The following NOCT variants were observed in gnomAD, a reference collection of about 807,000 sequenced individuals.
The protein encoded by NOCT is CCR4 carbon catabolite repression 4-like.
Under a neutral mutation model 35.0 loss-of-function variants are expected in NOCT, and 18 were observed. The observed-to-expected ratio is 0.51, with a 90% confidence interval of 0.36 to 0.76. NOCT has a LOEUF of 0.76. NOCT is among the 30% of genes least tolerant of loss of function. The pLI is 0.01. For synonymous variants in NOCT, 235 were observed against 226.3 expected, an observed-to-expected ratio of 1.04 and a Z score of -0.34; for missense variants, 479 against 541.0, an observed-to-expected ratio of 0.89 and a Z score of 1.14.
chr4:139,038,205 A>C (rs111981146), intron 1 of NOCT, among the ~76,000 whole-genome samples: 4 of 150,256 alleles, frequency 2.7e-5, no homozygotes, highest in African/African-American at 1.0e-4. Flanking sequence ...TCAAATAAAT[A>C]AATAAATAAA....
intron 2 of NOCT, 50 bp downstream of exon 2, chr4:139,043,393 T>C (rs1340196062): frequency 6.4e-7 from 1 of 1,566,954 alleles, no homozygotes; most frequent in East Asian, 2.3e-5. Context: ...TGTGACTGCC[T>C]TTCTGCTTCT....
chr4:139,040,420 C>G (rs760919330), intron 1 of NOCT, among the ~76,000 whole-genome samples: 2 of 152,102 alleles, frequency 1.3e-5, no homozygotes, highest in African/African-American at 2.4e-5. Context: ...TTCTGGCATG[C>G]TTTCACTGTC....
At chr4:139,023,561 T>C (rs1726453735) in intron 1 of NOCT, among the ~76,000 whole-genome samples, 1 of 152,186 alleles carries the variant, frequency 6.6e-6, no homozygotes, top group African/African-American at 2.4e-5. Context: ...GATGGCGCGA[T>C]GTCAGCTCAC....
intron 1 of NOCT, among the ~76,000 whole-genome samples, 173 bp from the exon 2 acceptor site, chr4:139,042,901 C>A (rs6819911): frequency 6.9e-6 from 1 of 144,914 alleles, no homozygotes. Flanking sequence ...GCAACAAGAG[C>A]GAAACTCCAT....
rs1388033237 is a variant in NOCT at position 139,043,237 on chromosome 4, G to A, written c.354G>A (p.Leu118=). The change falls in exon 2 of 3, where the codon CTG becomes CTA. Residue 118 remains leucine (L), a synonymous_variant. Coordinates refer to ENST00000280614, the MANE Select transcript of NOCT (RefSeq NM_012118.4). The part of the protein sequence containing the change: ...KELLEECRAV[L]HTRPPRFQRD... ...TTCTTGAGGAATGCAGGGCCGTCCT[G>A]CACACCCGACCTCCCCGGTTCCAGA... 6.2e-7 allele frequency: 1 copy of A among 1,614,188 alleles called. No individual in the cohort carries two copies. The highest frequency in any genetic ancestry group is 1.1e-5 in the South Asian group (1 of 91,086).
chr4:139,032,033 A>G (rs952947228), intron 1 of NOCT, among the ~76,000 whole-genome samples: 2 of 152,162 alleles, frequency 1.3e-5, no homozygotes, highest in African/African-American at 4.8e-5. Context: ...GGTTTTTAGG[A>G]AAGTAAAGGT....
chr4:139,031,712 T>G (rs1726627811), intron 1 of NOCT, among the ~76,000 whole-genome samples: 1 of 151,788 alleles, frequency 6.6e-6, no homozygotes, highest in Admixed American at 6.6e-5. Flanking sequence ...CACTTGTGGG[T>G]TTTGTTTTGT....
chr4:139,030,083 G>C (rs1645263083), intron 1 of NOCT, among the ~76,000 whole-genome samples: 1 of 152,046 alleles, frequency 6.6e-6, no homozygotes, highest in Admixed American at 6.6e-5. Flanking sequence ...GTAGAGACAG[G>C]GTTGTTGGCC....
intron 1 of NOCT, among the ~76,000 whole-genome samples, chr4:139,037,363 G>C (rs2148646259): frequency 6.6e-6 from 1 of 152,312 alleles, no homozygotes; most frequent in East Asian, 1.9e-4. Flanking sequence ...TATCACACCT[G>C]ACAAGAATTA....
intron 1 of NOCT, among the ~76,000 whole-genome samples, chr4:139,016,990 TCCA>T (rs1726323858): frequency 1.4e-5 from 1 of 72,018 alleles, no homozygotes. Flanking sequence ...TTTGGAGGCT[TCCA>T]CTCTTTATAG....
In NOCT at chr4:139,045,411, T is replaced by G. The variant is rs1412719181; in HGVS notation, c.1233T>G (p.Pro411=). The change falls in exon 3 of 3, where the codon CCT becomes CCG. Residue 411 remains proline, a synonymous_variant. Transcript: ENST00000280614. ...ACAGGTTACCTTCCTTCAATTATCC[T>G]TCAGACCACCTGTCTCTAGTGTGTG... ...GPNRLPSFNY[P]SDHLSLVCDF... The G allele has an allele frequency of 6.2e-7, 1 of 1,613,776 alleles. No individual in the cohort carries two copies. Among genetic ancestry groups the G allele is most frequent in the Non-Finnish European group, 8.5e-7 (1 of 1,179,842 alleles).
chr4:139,037,953 G>C (rs1333624625), intron 1 of NOCT, among the ~76,000 whole-genome samples: 1 of 150,922 alleles, frequency 6.6e-6, no homozygotes, highest in Non-Finnish European at 1.5e-5. Flanking sequence ...ATAATTCCCA[G>C]CACTTTGGGA....
chr4:139,045,224 A>G lies in NOCT; in HGVS notation c.1046A>G (p.Lys349Arg). Residue 349 changes from lysine to arginine, a missense_variant, in exon 3 of 3, where the codon AAG becomes AGG. Around this residue, in one of 2 missense-constraint regions of NOCT, gnomAD observed 214 missense variants for 284.0 expected, o/e 0.75. Transcript: ENST00000280614. ...AGCCTCAACCTGAACAGCGCCTACA[A>G]GCTGCTGAGTGCTGATGGGCAGTCA... ...SSSLNLNSAY[K>R]LLSADGQSEP... 6.2e-7 allele frequency: 1 copy of G among 1,614,180 alleles called. No individual in the cohort carries two copies. Among genetic ancestry groups the G allele is most frequent in the Non-Finnish European group, 8.5e-7 (1 of 1,180,030 alleles).
chr4:139,019,811 GA>G (rs1435650253), intron 1 of NOCT, among the ~76,000 whole-genome samples: 3 of 152,198 alleles, frequency 2.0e-5, no homozygotes, highest in Non-Finnish European at 4.4e-5. Flanking sequence ...TGTACTGGAT[GA>G]AACGCAGTTG....
At chr4:139,034,357 A>C (rs1726688995) in intron 1 of NOCT, among the ~76,000 whole-genome samples, 1 of 152,180 alleles carries the variant, frequency 6.6e-6, no homozygotes, top group Admixed American at 6.5e-5. Flanking sequence ...GGGGACATGC[A>C]TTCAAACCAT....
At position 139,045,365 on chromosome 4, in the gene NOCT, C is replaced by T. The variant is rs1365829074; in HGVS notation, c.1187C>T (p.Thr396Ile). 1 of 1,613,806 alleles carries T rather than the reference C, an allele frequency of 6.2e-7. No homozygotes were observed. ...GTAAGGTCAGCTCTCGATCTGCTCA[C>T]TGAAGAACAGATTGGACCCAACAGG... The part of the protein sequence containing the change: ...LNVRSALDLL[T>I]EEQIGPNRLP... The change falls in exon 3 of 3, where the codon ACT becomes ATT. Residue 396 changes from threonine (T) to isoleucine (I), a missense_variant. Physicochemically the swap from Thr to Ile is moderately conservative, Grantham distance 89. This residue lies in a region of NOCT where 214 missense variants were observed against 284.0 expected (regional missense o/e 0.75). Transcript: ENST00000280614.
chr4:139,034,523 G>GT (rs1390384045), intron 1 of NOCT, among the ~76,000 whole-genome samples: 2 of 152,076 alleles, frequency 1.3e-5, no homozygotes, highest in African/African-American at 4.8e-5. Flanking sequence ...AGTCTATCTA[G>GT]TATTTACTTT....
At chr4:139,038,890 G>C (rs1726782798) in intron 1 of NOCT, among the ~76,000 whole-genome samples, 1 of 151,998 alleles carries the variant, frequency 6.6e-6, no homozygotes, top group Non-Finnish European at 1.5e-5. Flanking sequence ...TGGTTGTTTT[G>C]GTCTGAAGCT....
Position 139,016,158 on chromosome 4 carries a change from G to T in NOCT, c.177G>T (p.Ser59=). Residue 59 remains serine (S), a synonymous_variant, in exon 1 of 3, where the codon TCG becomes TCT. Transcript: ENST00000280614. ...CGGCGGCCTCGGGCGCCGCGAGGTC[G>T]TGTTCCCGAACAGGTGAGTGCACCC... ...AASAASGAAR[S]CSRTVCSMGT... is the part of the protein sequence containing the mutation. 6.3e-6 allele frequency: 8 copies of T among 1,266,772 alleles called. 2 individuals are homozygous for T. In the South Asian group the frequency reaches 2.1e-4, roughly 34 times the overall value. The allele number at this position is 1,266,772 out of a possible 1,614,324, so 78.5% of individuals were successfully genotyped here. A position where few individuals can be genotyped will look rare whatever the true frequency, so the allele number is the denominator to read the frequency against.
Sources: allele counts gnomAD v4.1 joint callset (sites outside exome capture counted in the v4.1 genomes callset), GRCh38; gene constraint gnomAD v4.1.1; regional missense constraint gnomAD v4.1.1; transcripts MANE v1.5; gene names NCBI Gene and HGNC (gene_info 2026-07-23, HGNC 2026-07-21).